Variants in PTGR3 observed in about 807,000 individuals in gnomAD.
PTGR3 encodes zinc binding alcohol dehydrogenase domain containing 2.
At chr18:75,207,043 G>A in the PTGR3 span, among the ~76,000 whole-genome samples, 1 of 152,034 alleles carries the variant, frequency 6.6e-6, no homozygotes. Flanking sequence ...AGGAATCACA[G>A]GAGGAAAAAA....
At chr18:75,204,133 G>A in the PTGR3 span, among the ~76,000 whole-genome samples, 2 of 152,214 alleles carry the variant, frequency 1.3e-5, no homozygotes, top group Non-Finnish European at 2.9e-5. Context: ...GGCAGTAGCC[G>A]CTCCTCTGCA....
the PTGR3 span, chr18:75,197,454 G>A: frequency 8.5e-5 from 13 of 152,156 alleles, no homozygotes; most frequent in African/African-American, 2.9e-4. Flanking sequence ...ACTTTAAAGC[G>A]ACCACACCAA....
At chr18:75,196,656 A>T in the PTGR3 span, 1 of 137,372 alleles carries the variant, frequency 7.3e-6, no homozygotes, top group Admixed American at 7.4e-5. Flanking sequence ...AAAAAAAAAA[A>T]AGTCTGTACT....
At chr18:75,201,698 C>G in the PTGR3 span, 1 of 1,614,188 alleles carries the variant, frequency 6.2e-7, no homozygotes. Context: ...TTCCTGCTTT[C>G]ACAGGCGAAA....
the PTGR3 span, chr18:75,202,267 C>G: frequency 6.2e-7 from 1 of 1,614,104 alleles, no homozygotes; most frequent in South Asian, 1.1e-5. Context: ...AAACCTATGT[C>G]AAAGGGAGGC....
the PTGR3 span, chr18:75,209,072 G>T: frequency 2.7e-6 from 4 of 1,501,674 alleles, no homozygotes; most frequent in South Asian, 5.0e-5. This position sits in a 1 kb window ranked among gnomAD's most constrained non-coding sequence, Gnocchi z 4.7. Context: ...CTGCGCCTCC[G>T]CCCGCTCTCT....
chr18:75,204,007 G>A, the PTGR3 span, among the ~76,000 whole-genome samples: 1 of 152,306 alleles, frequency 6.6e-6, no homozygotes, highest in East Asian at 1.9e-4. Flanking sequence ...GGAAGTGGGG[G>A]GACAGGAGCC....
the PTGR3 span, chr18:75,205,560 A>C: frequency 1.1e-6 from 1 of 881,184 alleles, no homozygotes; most frequent in Non-Finnish European, 1.4e-6. Flanking sequence ...AAAAGTGCTA[A>C]ACCCCCTCGT....
chr18:75,201,584 C>A, the PTGR3 span: 2 of 1,614,172 alleles, frequency 1.2e-6, no homozygotes, highest in Admixed American at 3.3e-5. Context: ...CGCTCACACA[C>A]ATCTCGAGCA....
the PTGR3 span, chr18:75,208,800 C>T: frequency 7.4e-7 from 1 of 1,352,800 alleles, no homozygotes; most frequent in Non-Finnish European, 9.5e-7. Flanking sequence ...CGGCGCGGCG[C>T]GAGCCCGGGG....
At chr18:75,202,528 T>C in the PTGR3 span, among the ~76,000 whole-genome samples, 1 of 152,214 alleles carries the variant, frequency 6.6e-6, no homozygotes, top group Non-Finnish European at 1.5e-5. Context: ...ATTAGTTCAA[T>C]GTGCTTTGTC....
At chr18:75,195,273 G>A in the PTGR3 span, 1 of 152,220 alleles carries the variant, frequency 6.6e-6, no homozygotes, top group African/African-American at 2.4e-5. Flanking sequence ...AAATGATCTG[G>A]AATCCTAATT....
the PTGR3 span, chr18:75,208,928 T>G: frequency 6.3e-7 from 1 of 1,584,570 alleles, no homozygotes; most frequent in Non-Finnish European, 8.6e-7. Flanking sequence ...CTCGCGGAAG[T>G]TGGGGCTCAG....
chr18:75,206,186 T>C, the PTGR3 span, among the ~76,000 whole-genome samples: 4 of 152,248 alleles, frequency 2.6e-5, no homozygotes, highest in Non-Finnish European at 5.9e-5. Context: ...ATAGGGATTT[T>C]ATATGCCCCT....
chr18:75,205,473 C>G, the PTGR3 span: 3 of 985,380 alleles, frequency 3.0e-6, no homozygotes, highest in Non-Finnish European at 3.6e-6. Flanking sequence ...CCAGAAACCC[C>G]AGGAAAAAAG....
the PTGR3 span, chr18:75,205,064 G>T: frequency 3.7e-6 from 3 of 804,066 alleles, no homozygotes; most frequent in South Asian, 5.6e-5. Context: ...CTCGCGCCGC[G>T]CTGTCTCCTT....
the PTGR3 span, chr18:75,196,634 A>AAAG: frequency 2.1e-5 from 1 of 48,604 alleles, no homozygotes; most frequent in Non-Finnish European, 4.5e-5. Context: ...TCTTGTCCCA[A>AAAG]AAAAAAAAAA....
the PTGR3 span, chr18:75,208,360 C>G: frequency 3.0e-6 from 3 of 986,986 alleles, no homozygotes; most frequent in Admixed American, 6.1e-5. Context: ...CGGCTGCCAA[C>G]CTGGAGGGAA....
At chr18:75,208,823 C>T in the PTGR3 span, 1 of 1,439,452 alleles carries the variant, frequency 6.9e-7, no homozygotes, top group Non-Finnish European at 9.2e-7. Context: ...AGAACGGGGG[C>T]GTGGGGTTGG....
Sources: gnomAD v4.1 joint callset for allele counts (sites outside exome capture counted in the v4.1 genomes callset) on GRCh38, gnomAD v4.1.1 for gene constraint, Gnocchi (gnomAD v3.1) non-coding constraint, MANE v1.5 for transcripts, NCBI Gene and HGNC (gene_info 2026-07-23, HGNC 2026-07-21) for gene names.